Variants in CDH19 observed in about 807,000 individuals in gnomAD.
The protein encoded by CDH19 is cadherin 19.
CDH19 carries 67 observed loss-of-function variants against 64.2 expected under a neutral mutation model. The ratio of observed to expected loss-of-function variants is 1.04; its 90% CI spans 0.86 to 1.28. The LOEUF (loss-of-function observed/expected upper bound fraction) is 1.28. CDH19 is among the 50% of genes most tolerant of loss of function. The pLI is 0.00. For missense variants in CDH19, 1,030 were observed against 929.0 expected (o/e 1.11, Z -1.41); for synonymous variants, 346 against 319.3 (o/e 1.08, Z -0.89).
intron 3 of CDH19, among the ~76,000 whole-genome samples, chr18:66,561,299 T>C (rs113755861): frequency 5.3e-5 from 8 of 152,126 alleles, no homozygotes; most frequent in Admixed American, 3.3e-4. Flanking sequence ...GACAGAAACA[T>C]AGAAGTAAAG....
chr18:66,510,124 T>C (rs927044544), intron 10 of CDH19, among the ~76,000 whole-genome samples: 2 of 151,802 alleles, frequency 1.3e-5, no homozygotes, highest in Admixed American at 6.6e-5. Flanking sequence ...ATATTTTCTA[T>C]AGTCACCAAA....
At chr18:66,558,640 G>A (rs912768246) in intron 3 of CDH19, among the ~76,000 whole-genome samples, 3 of 151,906 alleles carry the variant, frequency 2.0e-5, no homozygotes, top group Non-Finnish European at 4.4e-5. Flanking sequence ...TTATTTGTAA[G>A]CAAATCAATT....
At chr18:66,599,148 GTATT>G (rs1206272204) in intron 1 of CDH19, among the ~76,000 whole-genome samples, 1 of 151,950 alleles carries the variant, frequency 6.6e-6, no homozygotes, top group African/African-American at 2.4e-5. Context: ...TTTATTCAGA[GTATT>G]TAATCATGAA....
chr18:66,546,820 A>T (rs1352799533), intron 5 of CDH19, among the ~76,000 whole-genome samples: 1 of 152,078 alleles, frequency 6.6e-6, no homozygotes, highest in African/African-American at 2.4e-5. Context: ...AAAGCCAGCG[A>T]GCCTGGAGTG....
chr18:66,524,542 G>GTATATATATATATATATATATA (rs72219868), intron 9 of CDH19, among the ~76,000 whole-genome samples: 4 of 94,572 alleles, frequency 4.2e-5, no homozygotes, highest in East Asian at 3.0e-4. Context: ...ATGTTTGTGT[G>GTATATATATATATATATATATA]TATATATATA....
intron 9 of CDH19, among the ~76,000 whole-genome samples, chr18:66,512,904 A>G (rs922530942): frequency 6.6e-6 from 1 of 151,530 alleles, no homozygotes; most frequent in African/African-American, 2.4e-5. Flanking sequence ...TTCAGGGTTC[A>G]TTTTCAGGAT....
At chr18:66,519,739 A>C (rs1051137974) in intron 9 of CDH19, among the ~76,000 whole-genome samples, 2 of 152,208 alleles carry the variant, frequency 1.3e-5, no homozygotes, top group Non-Finnish European at 2.9e-5. Flanking sequence ...ACAAAGAAAC[A>C]AAAAACAAAA....
At chr18:66,569,602 A>G (rs1158024637) in intron 2 of CDH19, among the ~76,000 whole-genome samples, 1 of 151,708 alleles carries the variant, frequency 6.6e-6, no homozygotes, top group Non-Finnish European at 1.5e-5. Flanking sequence ...AAATTAGTTC[A>G]TCATTCATAC....
At chr18:66,589,616 C>A (rs985827855) in intron 1 of CDH19, among the ~76,000 whole-genome samples, 8 of 151,234 alleles carry the variant, frequency 5.3e-5, no homozygotes, top group Non-Finnish European at 1.2e-4. Flanking sequence ...ACTCTACTAT[C>A]AAAAATAATA....
intron 1 of CDH19, among the ~76,000 whole-genome samples, chr18:66,575,496 A>G (rs1196096518): frequency 6.6e-6 from 1 of 151,876 alleles, no homozygotes; most frequent in Non-Finnish European, 1.5e-5. Flanking sequence ...CTGGTTGTGC[A>G]TCAAATCTGG....
In CDH19 at chr18:66,505,128, C is replaced by G. The variant is rs778502871; in HGVS notation, c.2003G>C (p.Arg668Pro). 4 of 1,613,386 alleles carry G rather than the reference C, an allele frequency of 2.5e-6. No homozygotes were observed. Among genetic ancestry groups the G allele is most frequent in the South Asian group, 1.1e-5 (1 of 91,064 alleles). The change falls in exon 12 of 12, where the codon CGC (arginine) becomes CCC (proline). Residue 668 changes from arginine (R) to proline (P), a missense_variant. Transcript: ENST00000262150. The part of the protein sequence containing the change: ...ELRSSTIMRE[R>P]KTRKTTSAEI... ...AGCGCTTGTGGTTTTCCGAGTCTTG[C>G]GTTCCCGCATTATGGTACTACTCCT... is the stretch of plus-strand genomic sequence containing the variant.
Position 66,511,319 on chromosome 18 carries a change from CA to C in CDH19, c.1576+248del, listed in dbSNP as rs541151957. 1.5e-4 allele frequency among the ~76,000 whole-genome samples: 23 copies of C among 150,330 alleles called. 1 individual carries two copies. In the South Asian group the frequency reaches 4.6e-3, roughly 30 times the overall value. ...TATTCGCAGGGTCATTCAGACTTTA[CA>C]AGAGCTTACAGCCATTGATAACTTT... On this transcript the variant is annotated intron_variant, in intron 10 of 11. Coordinates refer to ENST00000262150, the MANE Select transcript of CDH19 (RefSeq NM_021153.4).
intron 2 of CDH19, among the ~76,000 whole-genome samples, 160 bp from the exon 3 acceptor site, chr18:66,568,870 A>G (rs1034482431): frequency 1.3e-5 from 2 of 151,812 alleles, no homozygotes; most frequent in Admixed American, 1.3e-4. Flanking sequence ...ATCAAGATTA[A>G]AATCTATCAC....
At chr18:66,546,312 T>G (rs1214207496) in intron 5 of CDH19, among the ~76,000 whole-genome samples, 1 of 152,170 alleles carries the variant, frequency 6.6e-6, no homozygotes, top group Non-Finnish European at 1.5e-5. Flanking sequence ...TAGTAGTGCT[T>G]TTTACATTAT....
intron 1 of CDH19, among the ~76,000 whole-genome samples, chr18:66,599,693 C>T (rs1988992240): frequency 6.6e-6 from 1 of 151,784 alleles, no homozygotes; most frequent in Non-Finnish European, 1.5e-5. Context: ...TGTCAATTTT[C>T]AATAAAAAAT....
At chr18:66,598,274 C>A (rs1344677227) in intron 1 of CDH19, among the ~76,000 whole-genome samples, 1 of 152,072 alleles carries the variant, frequency 6.6e-6, no homozygotes, top group Middle Eastern at 3.2e-3. Context: ...CCACTCAACT[C>A]GGCAACCCTA....
intron 8 of CDH19, among the ~76,000 whole-genome samples, chr18:66,531,459 A>G (rs1986441512): frequency 6.6e-6 from 1 of 152,090 alleles, no homozygotes; most frequent in Non-Finnish European, 1.5e-5. Context: ...TCTACTAAAA[A>G]TCCAAAAAAA....
Position 66,561,789 on chromosome 18 carries a change from C to T in CDH19, c.490+6627G>A, listed in dbSNP as rs375345239. ...TCATACTTTAATTAGAGTAGCTTATCAGTTCACTTATTCTGATAATAAACA... is the reference window on the plus strand; with the variant it reads ...TCATACTTTAATTAGAGTAGCTTATTAGTTCACTTATTCTGATAATAAACA... On this transcript the variant is annotated intron_variant, in intron 3 of 11. Transcript: ENST00000262150. Among the ~76,000 whole-genome samples the T allele has an allele frequency of 2.8e-4, 43 of 152,150 alleles. 1 individual carries two copies. The South Asian group carries it at 7.2e-3, about 26-fold the overall frequency.
intron 1 of CDH19, among the ~76,000 whole-genome samples, chr18:66,589,136 AT>A (rs565226102): frequency 4.6e-5 from 7 of 151,728 alleles, no homozygotes. Context: ...TGCAAAGACT[AT>A]TTTTTCCTAA....
Sources: gnomAD v4.1 joint callset for allele counts (sites outside exome capture counted in the v4.1 genomes callset) on GRCh38, gnomAD v4.1.1 for gene constraint, MANE v1.5 for transcripts, NCBI Gene and HGNC (gene_info 2026-07-23, HGNC 2026-07-21) for gene names.